GULP1: variants seen among roughly 807,000 people sequenced by gnomAD.
The protein encoded by GULP1 is PTB domain-containing engulfment adapter protein 1.
A neutral mutation model predicts 40.9 loss-of-function variants in GULP1; 19 were observed. The ratio of observed to expected loss-of-function variants is 0.46; its 90% CI spans 0.32 to 0.68. GULP1 has a LOEUF of 0.68. Ranked by LOEUF, GULP1 falls within the 30% of genes least tolerant of loss-of-function variation. GULP1 has a pLI of 0.03. For synonymous variants in GULP1, 119 were observed against 117.6 expected (o/e 1.01, Z -0.08); for missense variants, 312 against 362.2 (o/e 0.86, Z 1.12).
At chr2:188,566,754 C>T (rs1384764467) in intron 7 of GULP1, among the ~76,000 whole-genome samples, 1 of 136,984 alleles carries the variant, frequency 7.3e-6, no homozygotes, top group Non-Finnish European at 1.5e-5. Flanking sequence ...GAGATTGCGC[C>T]ACTGCACTCC....
chr2:188,475,675 T>G (rs1374179283), intron 2 of GULP1, among the ~76,000 whole-genome samples: 1 of 152,154 alleles, frequency 6.6e-6, no homozygotes, highest in East Asian at 1.9e-4. Context: ...ATTTTACATT[T>G]GCATATATTA....
intron 5 of GULP1, among the ~76,000 whole-genome samples, chr2:188,527,662 C>G (rs1467668259): frequency 1.3e-5 from 2 of 151,990 alleles, no homozygotes; most frequent in African/African-American, 2.4e-5. Flanking sequence ...GTTCGTAGAG[C>G]AAGACAGACA....
chr2:188,515,270 A>G (rs2065056953), intron 4 of GULP1, among the ~76,000 whole-genome samples: 1 of 151,968 alleles, frequency 6.6e-6, no homozygotes. Flanking sequence ...TTCCTTGAAC[A>G]CTCATCTTAT....
At chr2:188,348,070 G>T (rs952828170) in intron 1 of GULP1, among the ~76,000 whole-genome samples, 4 of 152,160 alleles carry the variant, frequency 2.6e-5, no homozygotes, top group African/African-American at 9.7e-5. Flanking sequence ...AAAATTCAGT[G>T]CGGAAGTAAC....
chr2:188,503,728 G>T (rs184929597), intron 4 of GULP1, among the ~76,000 whole-genome samples: 1 of 151,840 alleles, frequency 6.6e-6, no homozygotes, highest in Non-Finnish European at 1.5e-5. Context: ...ACTAGACATG[G>T]ACATGACTTC....
At chr2:188,440,527 G>A (rs1242960733) in intron 2 of GULP1, among the ~76,000 whole-genome samples, 1 of 152,006 alleles carries the variant, frequency 6.6e-6, no homozygotes, top group African/African-American at 2.4e-5. Flanking sequence ...ATGTGTTATG[G>A]CTACAAATTT....
At chr2:188,407,996 T>C (rs748069015) in intron 2 of GULP1, among the ~76,000 whole-genome samples, 1 of 152,204 alleles carries the variant, frequency 6.6e-6, no homozygotes, top group Non-Finnish European at 1.5e-5. Flanking sequence ...GAGGTAGTGC[T>C]GTGATTTGAA....
chr2:188,444,061 C>G (rs1206940140), intron 2 of GULP1, among the ~76,000 whole-genome samples: 24 of 152,070 alleles, frequency 1.6e-4, no homozygotes, highest in Admixed American at 1.5e-3. Flanking sequence ...GTCTTCTTCT[C>G]TACAGTTTTA....
intron 6 of GULP1, among the ~76,000 whole-genome samples, chr2:188,539,244 T>G (rs1415968648): frequency 6.6e-6 from 1 of 152,168 alleles, no homozygotes; most frequent in African/African-American, 2.4e-5. Flanking sequence ...GAAATGAATT[T>G]TTTTCCTATA....
chr2:188,489,791 A>G (rs913156689), intron 4 of GULP1, among the ~76,000 whole-genome samples: 14 of 152,060 alleles, frequency 9.2e-5, no homozygotes, highest in Admixed American at 5.9e-4. Context: ...TTTTATGCCA[A>G]AAAATATGAA....
intron 2 of GULP1, among the ~76,000 whole-genome samples, chr2:188,450,601 G>A (rs183903483): frequency 6.6e-6 from 1 of 152,044 alleles, no homozygotes; most frequent in African/African-American, 2.4e-5. Flanking sequence ...ATGCTAAAGT[G>A]GGTGCACTCA....
intron 1 of GULP1, among the ~76,000 whole-genome samples, chr2:188,336,161 A>T (rs2042227069): frequency 6.6e-6 from 1 of 152,148 alleles, no homozygotes; most frequent in Non-Finnish European, 1.5e-5. Flanking sequence ...TATAAAACGC[A>T]TGTTTTTTCC....
At chr2:188,584,221 T>A in intron 9 of GULP1, 44 bp from the exon 10 acceptor site, 1 of 1,285,110 alleles carries the variant, frequency 7.8e-7, no homozygotes, top group Non-Finnish European at 1.1e-6. Context: ...CATTACAATG[T>A]GTCTATATGA....
intron 2 of GULP1, among the ~76,000 whole-genome samples, chr2:188,465,845 C>T (rs1166188813): frequency 1.3e-5 from 2 of 151,898 alleles, no homozygotes; most frequent in African/African-American, 2.4e-5. Context: ...TGAGGGATGG[C>T]GGAGGGGTGG....
At chr2:188,457,353 G>A (rs187516482) in intron 2 of GULP1, among the ~76,000 whole-genome samples, 1 of 152,248 alleles carries the variant, frequency 6.6e-6, no homozygotes, top group African/African-American at 2.4e-5. Flanking sequence ...CTGTTGGGAG[G>A]TGATTGAATT....
At chr2:188,507,276 T>C (rs1366936720) in intron 4 of GULP1, among the ~76,000 whole-genome samples, 1 of 152,034 alleles carries the variant, frequency 6.6e-6, no homozygotes, top group Admixed American at 6.6e-5. Flanking sequence ...TCTAGGAAAA[T>C]CCCATTCTAG....
At chr2:188,533,305 A>C (rs564152296) in intron 6 of GULP1, among the ~76,000 whole-genome samples, 1 of 152,306 alleles carries the variant, frequency 6.6e-6, no homozygotes, top group Non-Finnish European at 1.5e-5. Flanking sequence ...ACAGTAGAGA[A>C]TAGAGAACCC....
intron 6 of GULP1, among the ~76,000 whole-genome samples, chr2:188,535,449 C>T (rs1267374118): frequency 6.6e-6 from 1 of 152,220 alleles, no homozygotes; most frequent in East Asian, 1.9e-4. Context: ...ATTTGTTTTT[C>T]TGTTTCTGCA....
chr2:188,301,809 C>G (rs1309896499), intron 1 of GULP1, among the ~76,000 whole-genome samples: 3 of 152,174 alleles, frequency 2.0e-5, no homozygotes, highest in Non-Finnish European at 4.4e-5. Context: ...CATGCTTCTT[C>G]AAATTGCTAC....
Sources: allele counts gnomAD v4.1 joint callset (sites outside exome capture counted in the v4.1 genomes callset), GRCh38; gene constraint gnomAD v4.1.1; transcripts MANE v1.5; gene names NCBI Gene and HGNC (gene_info 2026-07-23, HGNC 2026-07-21).